The following DGKB variants were observed in gnomAD, a reference collection of about 807,000 sequenced individuals.
DGKB encodes the protein 90 kDa diacylglycerol kinase.
Under a neutral mutation model 114.3 loss-of-function variants are expected in DGKB, and 67 were observed. The observed-to-expected ratio is 0.59, with a 90% confidence interval of 0.48 to 0.72. The LOEUF is 0.72. Ranked by LOEUF, DGKB falls within the 30% of genes least tolerant of loss-of-function variation. The probability of loss-of-function intolerance (pLI) is 0.00; values close to 1 mark genes in which losing one functional copy is unlikely to be tolerated. For synonymous variants in DGKB, 398 were observed against 323.1 expected (o/e 1.23, Z -2.49); for missense variants, 907 against 975.2 (o/e 0.93, Z 0.93).
intron 1 of DGKB, among the ~76,000 whole-genome samples, chr7:14,920,782 G>C (rs1472224209): frequency 6.6e-6 from 1 of 152,096 alleles, no homozygotes; most frequent in Non-Finnish European, 1.5e-5. Context: ...AAGTAAACTA[G>C]GGTACGTCTC....
intron 23 of DGKB, among the ~76,000 whole-genome samples, chr7:14,183,843 C>T (rs117881059): frequency 6.6e-6 from 1 of 152,258 alleles, no homozygotes; most frequent in East Asian, 1.9e-4. Context: ...CAGAGCAGCT[C>T]GCATTGTAAA....
intron 23 of DGKB, among the ~76,000 whole-genome samples, chr7:14,281,430 C>T (rs1231633340): frequency 2.8e-5 from 4 of 140,352 alleles, no homozygotes; most frequent in Non-Finnish European, 4.6e-5. Flanking sequence ...TAACACCCCA[C>T]TGTCAACATT....
chr7:14,286,155 A>G (rs1213864052), intron 23 of DGKB, among the ~76,000 whole-genome samples: 1 of 152,098 alleles, frequency 6.6e-6, no homozygotes, highest in East Asian at 1.9e-4. Context: ...CTGTAACCAT[A>G]AAGAAATTTT....
chr7:14,488,853 A>AAACC (rs528964320), intron 20 of DGKB, among the ~76,000 whole-genome samples: 3 of 108,730 alleles, frequency 2.8e-5, no homozygotes, highest in Non-Finnish European at 5.2e-5. Flanking sequence ...AAAAAAAAAC[A>AAACC]AAAAAAACCC....
At chr7:14,416,533 C>T (rs34886902) in intron 21 of DGKB, among the ~76,000 whole-genome samples, 40,179 of 151,880 alleles carry the variant, frequency 0.26, 5,816 homozygotes, top group East Asian at 0.47. Flanking sequence ...ATAATTCCCA[C>T]GTGGTGTGGG....
intron 12 of DGKB, among the ~76,000 whole-genome samples, chr7:14,674,563 C>T (rs1459477497): frequency 6.6e-6 from 1 of 152,050 alleles, no homozygotes; most frequent in Non-Finnish European, 1.5e-5. Flanking sequence ...TGCTGAAGTC[C>T]TAACTTCTGG....
At chr7:14,728,941 C>T (rs543021095) in intron 5 of DGKB, among the ~76,000 whole-genome samples, 161 of 151,744 alleles carry the variant, frequency 1.1e-3, no homozygotes, top group Non-Finnish European at 2.0e-3. Flanking sequence ...ACCTTGTGAT[C>T]CCCCCACCTC....
chr7:14,631,010 C>A (rs1328777505), intron 13 of DGKB, among the ~76,000 whole-genome samples: 1 of 150,812 alleles, frequency 6.6e-6, no homozygotes, highest in Non-Finnish European at 1.5e-5. Flanking sequence ...GTTGACAAAT[C>A]ACACACACAA....
At chr7:14,170,415 T>C (rs1780822410) in intron 25 of DGKB, among the ~76,000 whole-genome samples, 1 of 152,102 alleles carries the variant, frequency 6.6e-6, no homozygotes, top group Non-Finnish European at 1.5e-5. Context: ...AAATAAGTAA[T>C]AAACATGTAC....
intron 13 of DGKB, among the ~76,000 whole-genome samples, chr7:14,663,501 A>G (rs1817512010): frequency 6.6e-6 from 1 of 151,958 alleles, no homozygotes; most frequent in African/African-American, 2.4e-5. Flanking sequence ...ACAGATCAGG[A>G]GTTCATGTAA....
rs887193814 is a variant in DGKB at position 14,598,713 on chromosome 7, A to G, written c.1433+8721T>C. On this transcript the variant is annotated intron_variant, in intron 17 of 25. Transcript: ENST00000402815. ...TTTTGCTGAAAAGTGTTATTGCAAA[A>G]TAAAAATCTATTATAAAGTAAATAT... Among the ~76,000 whole-genome samples the G allele has an allele frequency of 3.3e-5, 5 of 152,154 alleles. No individual in the cohort carries two copies. In the East Asian group the frequency reaches 9.6e-4, roughly 29 times the overall value.
intron 20 of DGKB, among the ~76,000 whole-genome samples, chr7:14,525,016 C>T (rs1460071951): frequency 1.3e-5 from 2 of 152,046 alleles, no homozygotes; most frequent in African/African-American, 2.4e-5. Flanking sequence ...ATGATTGAAG[C>T]TGTGTGATGA....
chr7:14,540,707 T>C (rs1210671383), intron 20 of DGKB, among the ~76,000 whole-genome samples: 1 of 152,204 alleles, frequency 6.6e-6, no homozygotes. Context: ...TTATTTCAAG[T>C]TTTGTTTCAT....
chr7:14,463,149 A>G (rs768753062), intron 21 of DGKB, among the ~76,000 whole-genome samples: 3 of 151,938 alleles, frequency 2.0e-5, no homozygotes, highest in Non-Finnish European at 4.4e-5. Context: ...AGAACAGAAA[A>G]CCAAACACCG....
At chr7:14,355,458 ACCTAGTTTATTG>A (rs1403007493) in intron 21 of DGKB, among the ~76,000 whole-genome samples, 1 of 152,150 alleles carries the variant, frequency 6.6e-6, no homozygotes. Context: ...TTCCATCAAT[ACCTAGTTTATTG>A]AGAGTTTTTA....
chr7:14,339,875 C>T (rs1811318688), intron 22 of DGKB, among the ~76,000 whole-genome samples: 1 of 151,868 alleles, frequency 6.6e-6, no homozygotes, highest in Non-Finnish European at 1.5e-5. Flanking sequence ...ACACTAACTT[C>T]ATCATTTCTC....
intron 17 of DGKB, among the ~76,000 whole-genome samples, chr7:14,601,915 CTTCT>C (rs1203940969): frequency 6.6e-6 from 1 of 152,010 alleles, no homozygotes; most frequent in Non-Finnish European, 1.5e-5. Context: ...TCTCTATGGT[CTTCT>C]TTCTTTCTTC....
intron 23 of DGKB, among the ~76,000 whole-genome samples, chr7:14,319,695 A>C (rs1243560211): frequency 6.6e-6 from 1 of 152,198 alleles, no homozygotes; most frequent in African/African-American, 2.4e-5. Flanking sequence ...TTATAAGATA[A>C]TGACTTGCCA....
chr7:14,754,943 G>C (rs1033088332), intron 3 of DGKB, among the ~76,000 whole-genome samples: 1 of 152,064 alleles, frequency 6.6e-6, no homozygotes, highest in Non-Finnish European at 1.5e-5. Context: ...AAGAGCACAG[G>C]GCATTAGCCT....
Sources: allele counts gnomAD v4.1 joint callset (sites outside exome capture counted in the v4.1 genomes callset), GRCh38; gene constraint gnomAD v4.1.1; transcripts MANE v1.5; gene names NCBI Gene and HGNC (gene_info 2026-07-23, HGNC 2026-07-21).